EPHA5: variants seen among roughly 807,000 people sequenced by gnomAD.
The protein encoded by EPHA5 is ephrin type-A receptor 5.
EPHA5 carries 60 observed loss-of-function variants against 105.0 expected under a neutral mutation model. The ratio of observed to expected loss-of-function variants is 0.57; its 90% CI spans 0.46 to 0.71. EPHA5 has a LOEUF of 0.71. Ranked by LOEUF, EPHA5 falls within the 30% of genes least tolerant of loss-of-function variation. EPHA5 has a pLI of 0.00. For synonymous variants in EPHA5, 513 were observed against 449.1 expected (o/e 1.14, Z -1.80); for missense variants, 1,218 against 1,274.7 (o/e 0.96, Z 0.68).
intron 16 of EPHA5, among the ~76,000 whole-genome samples, chr4:65,324,508 T>C (rs1719891487): frequency 6.6e-6 from 1 of 151,378 alleles, no homozygotes; most frequent in Non-Finnish European, 1.5e-5. Flanking sequence ...TTGCACATTA[T>C]TACCAATAAA....
At chr4:65,440,621 G>A (rs1263060153) in intron 5 of EPHA5, among the ~76,000 whole-genome samples, 1 of 151,076 alleles carries the variant, frequency 6.6e-6, no homozygotes, top group Non-Finnish European at 1.5e-5. Flanking sequence ...AATTAAATAA[G>A]CTAATTTTTT....
rs2149213990 is a variant in EPHA5 at position 65,490,626 on chromosome 4, C to T, written c.1153G>A (p.Gly385Arg). ...ATATAATATGACACGTCTTTCCTTC[C>T]ACCAGTGTCAGCAGGCGGAATCCAT... ...LEWIPPADTG[G>R]RKDVSYYIAC... is the part of the protein sequence containing the mutation. Residue 385 changes from glycine to arginine, a missense_variant, in exon 5 of 17, where the codon GGA becomes AGA. Physicochemically the swap from Gly to Arg is moderately radical, Grantham distance 125. This residue lies in a region of EPHA5 where 971 missense variants were observed against 1,013.5 expected (regional missense o/e 0.96). Coordinates refer to ENST00000613740, the MANE Select transcript of EPHA5 (RefSeq NM_001281766.3). 6.2e-7 allele frequency: 1 copy of T among 1,614,110 alleles called. No homozygotes were observed. Among genetic ancestry groups the T allele is most frequent in the Non-Finnish European group, 8.5e-7 (1 of 1,180,010 alleles).
chr4:65,607,479 C>A (rs1216938658), intron 2 of EPHA5, among the ~76,000 whole-genome samples: 1 of 110,412 alleles, frequency 9.1e-6, no homozygotes, highest in Non-Finnish European at 2.2e-5. Context: ...CAAAAACAAA[C>A]AAACAAACAA....
intron 3 of EPHA5, among the ~76,000 whole-genome samples, chr4:65,567,638 A>G (rs1739690556): frequency 6.6e-6 from 1 of 151,594 alleles, no homozygotes; most frequent in Non-Finnish European, 1.5e-5. Context: ...CAGAATTTCA[A>G]CACATATCTA....
chr4:65,584,860 AT>A (rs1266160861), intron 3 of EPHA5, among the ~76,000 whole-genome samples: 2 of 152,022 alleles, frequency 1.3e-5, no homozygotes, highest in Non-Finnish European at 2.9e-5. Flanking sequence ...TGTCACTCAT[AT>A]AATTATTACA....
chr4:65,605,269 C>T (rs928555392), intron 2 of EPHA5, among the ~76,000 whole-genome samples: 4 of 152,220 alleles, frequency 2.6e-5, no homozygotes, highest in African/African-American at 9.6e-5. Flanking sequence ...AGAGAAGGGT[C>T]GGGGGAAGAA....
intron 5 of EPHA5, among the ~76,000 whole-genome samples, chr4:65,476,935 T>C (rs111387123): frequency 3.5e-4 from 54 of 152,242 alleles, no homozygotes; most frequent in African/African-American, 1.2e-3. Context: ...TGTAAAATTA[T>C]TTGAAAAATT....
rs991098332 is a variant in EPHA5 at position 65,654,329 on chromosome 4, C to G, written c.182-10902G>C. Among the ~76,000 whole-genome samples the G allele has an allele frequency of 4.6e-5, 7 of 151,328 alleles. 1 individual carries two copies. The East Asian group carries it at 1.2e-3, about 25-fold the overall frequency. ...AATATAGTTCTACAGATAATATATACACAACGGACGAGAAAGTCCAACTTA... is the reference window on the plus strand; with the variant it reads ...AATATAGTTCTACAGATAATATATAGACAACGGACGAGAAAGTCCAACTTA... On this transcript the variant is annotated intron_variant, in intron 1 of 16. Coordinates refer to ENST00000613740, the MANE Select transcript of EPHA5 (RefSeq NM_001281766.3).
intron 2 of EPHA5, among the ~76,000 whole-genome samples, chr4:65,610,311 AACACTGAAT>A (rs1744648082): frequency 6.6e-6 from 1 of 152,084 alleles, no homozygotes; most frequent in Non-Finnish European, 1.5e-5. Flanking sequence ...TTCTCATTTA[AACACTGAAT>A]ACACAGGGAC....
At chr4:65,542,474 G>A (rs562453259) in intron 3 of EPHA5, among the ~76,000 whole-genome samples, 2 of 152,094 alleles carry the variant, frequency 1.3e-5, no homozygotes, top group South Asian at 4.1e-4. Flanking sequence ...AAATCTAGAA[G>A]AAATGGATAA....
chr4:65,330,156 A>G (rs1032353443), intron 16 of EPHA5, among the ~76,000 whole-genome samples: 1 of 151,428 alleles, frequency 6.6e-6, no homozygotes, highest in Non-Finnish European at 1.5e-5. Context: ...TAAGTCTCCC[A>G]ATGTAACTTT....
In EPHA5 at chr4:65,669,682, T is replaced by C; in HGVS notation, c.61A>G (p.Thr21Ala). ...GCCAGGGACGCTGGGGTGATGGGGG[T>C]GTCGCCGCCGCCGCTTGGGGGCCGC... ...RRRPPSGGGDTPITPASLAGC... is the reference protein window; with the variant it reads ...RRRPPSGGGDAPITPASLAGC... The change falls in exon 1 of 17, where the codon ACC (threonine) becomes GCC (alanine). Residue 21 changes from threonine to alanine, a missense_variant. This residue lies in a region of EPHA5 where 233 missense variants were observed against 227.5 expected (regional missense o/e 1.02). Coordinates refer to ENST00000613740, the MANE Select transcript of EPHA5 (RefSeq NM_001281766.3). The C allele has an allele frequency of 3.0e-6, 4 of 1,323,330 alleles. No homozygotes were observed. Among genetic ancestry groups the C allele is most frequent in the Non-Finnish European group, 3.9e-6 (4 of 1,032,836 alleles). The allele number at this position is 1,323,330 out of a possible 1,614,324, so 82.0% of individuals were successfully genotyped here.
intron 3 of EPHA5, among the ~76,000 whole-genome samples, chr4:65,590,276 C>T (rs183609794): frequency 5.6e-4 from 85 of 152,272 alleles, no homozygotes; most frequent in African/African-American, 1.7e-3. Flanking sequence ...CAACAAATCA[C>T]TTTGGTTCTT....
At chr4:65,457,329 G>A (rs1034105476) in intron 5 of EPHA5, among the ~76,000 whole-genome samples, 1 of 151,988 alleles carries the variant, frequency 6.6e-6, no homozygotes, top group African/African-American at 2.4e-5. Context: ...CTGTTAACTG[G>A]GGAGACACTA....
At chr4:65,452,897 C>A (rs1298440647) in intron 5 of EPHA5, among the ~76,000 whole-genome samples, 2 of 152,116 alleles carry the variant, frequency 1.3e-5, no homozygotes, top group African/African-American at 2.4e-5. Flanking sequence ...GAAGAAAAAT[C>A]CTCCAAAAAG....
chr4:65,366,980 T>C (rs1440312271), intron 9 of EPHA5, among the ~76,000 whole-genome samples: 1 of 151,650 alleles, frequency 6.6e-6, no homozygotes, highest in Admixed American at 6.6e-5. Flanking sequence ...AAAAAAAACC[T>C]GAGAAATTTT....
intron 5 of EPHA5, among the ~76,000 whole-genome samples, chr4:65,489,011 G>T (rs1343608293): frequency 1.3e-5 from 2 of 148,954 alleles, no homozygotes; most frequent in African/African-American, 2.5e-5. Context: ...TCAGCCTCCC[G>T]AGTAGCTGGG....
chr4:65,603,255 A>T (rs1313881474), intron 2 of EPHA5, among the ~76,000 whole-genome samples: 10 of 152,252 alleles, frequency 6.6e-5, no homozygotes, highest in Admixed American at 3.3e-4. Flanking sequence ...ATCTCGATGT[A>T]CCATAACCAT....
intron 14 of EPHA5, among the ~76,000 whole-genome samples, chr4:65,346,052 C>T (rs1445959833): frequency 6.6e-6 from 1 of 150,932 alleles, no homozygotes; most frequent in African/African-American, 2.4e-5. Context: ...CATGAGCCAC[C>T]GCGGCCAGCC....
Sources: allele counts gnomAD v4.1 joint callset (sites outside exome capture counted in the v4.1 genomes callset), GRCh38; gene constraint gnomAD v4.1.1; regional missense constraint gnomAD v4.1.1; transcripts MANE v1.5; gene names NCBI Gene and HGNC (gene_info 2026-07-23, HGNC 2026-07-21).